Variants in VIRMA observed in about 807,000 individuals in gnomAD.
VIRMA encodes the protein protein virilizer homolog.
Under a neutral mutation model 182.4 loss-of-function variants are expected in VIRMA, and 65 were observed. That is an observed-to-expected ratio of 0.36 (90% CI 0.29 to 0.44). The LOEUF (loss-of-function observed/expected upper bound fraction) is 0.44. Ranked by LOEUF, VIRMA falls within the 20% of genes least tolerant of loss-of-function variation. The pLI is 1.00. For synonymous variants in VIRMA, 709 were observed against 743.1 expected (o/e 0.95, Z 0.75); for missense variants, 1,752 against 2,158.1 (o/e 0.81, Z 3.73).
At chr8:94,529,478 CTG>C in intron 6 of VIRMA, 136 bp from the exon 7 acceptor site, 1 of 608,626 alleles carries the variant, frequency 1.6e-6, no homozygotes, top group South Asian at 2.0e-5. Flanking sequence ...GAATTACTCA[CTG>C]TTTAAAAAAT....
At chr8:94,524,262 G>A (rs1440144767) in intron 8 of VIRMA, among the ~76,000 whole-genome samples, 1 of 151,798 alleles carries the variant, frequency 6.6e-6, no homozygotes, top group African/African-American at 2.4e-5. Context: ...GCGTCCCAAA[G>A]TGCTGGGATT....
chr8:94,541,551 CTTTTTTTT>C (rs1176594244), intron 2 of VIRMA, among the ~76,000 whole-genome samples: 2 of 151,666 alleles, frequency 1.3e-5, no homozygotes, highest in Non-Finnish European at 2.9e-5. Flanking sequence ...GCTCTTTTTT[CTTTTTTTT>C]AAGATGGAGT....
intron 4 of VIRMA, among the ~76,000 whole-genome samples, chr8:94,535,479 T>C (rs1425762780): frequency 6.6e-6 from 1 of 152,118 alleles, no homozygotes; most frequent in Non-Finnish European, 1.5e-5. Context: ...GTACCCACAT[T>C]GTACATTAAA....
chr8:94,500,879 C>A (rs1813951927), intron 16 of VIRMA, among the ~76,000 whole-genome samples: 1 of 152,066 alleles, frequency 6.6e-6, no homozygotes, highest in Non-Finnish European at 1.5e-5. Context: ...AACTACATGA[C>A]TCTAAGCATC....
At chr8:94,534,403 T>A in intron 5 of VIRMA, 1 of 170,878 alleles carries the variant, frequency 5.9e-6, no homozygotes, top group South Asian at 1.6e-4. Context: ...GTTTTAAAAG[T>A]TCTCTAGGAA....
At chr8:94,532,570 A>G (rs530017404) in intron 5 of VIRMA, among the ~76,000 whole-genome samples, 2 of 152,352 alleles carry the variant, frequency 1.3e-5, no homozygotes, top group South Asian at 2.1e-4. Context: ...ATATTGTACT[A>G]TATTTATAAA....
chr8:94,492,458 T>A (rs138812620), intron 21 of VIRMA, among the ~76,000 whole-genome samples, 194 bp downstream of exon 21: 6,107 of 149,524 alleles, frequency 0.041, 134 homozygotes, highest in Middle Eastern at 0.054. Context: ...TAATTTTTTT[T>A]TTTTTATTTT....
At chr8:94,520,823 T>G (rs1017070471) in intron 8 of VIRMA, among the ~76,000 whole-genome samples, 4 of 152,298 alleles carry the variant, frequency 2.6e-5, no homozygotes, top group African/African-American at 9.6e-5. Flanking sequence ...TTTACTACAG[T>G]AGACTGAATT....
chr8:94,543,034 G>A (rs1346939846), intron 2 of VIRMA, among the ~76,000 whole-genome samples: 6 of 151,812 alleles, frequency 4.0e-5, no homozygotes, highest in African/African-American at 9.7e-5. Flanking sequence ...TCAGCCTCCC[G>A]AGTAGCTGGG....
Position 94,491,821 on chromosome 8 carries a change from T to C in VIRMA, c.4897A>G (p.Ile1633Val). ...TGACGAAAAATATCATGAGGTCGTA[T>C]ACCCTGTCCAAATCCTCCCCTGCCC... ...GRGRGGFGQG[I>V]RPHDIFRQRK... The change falls in exon 22 of 24, where the codon ATA becomes GTA. Residue 1633 changes from isoleucine to valine, a missense_variant. Transcript: ENST00000297591. 6.2e-7 allele frequency: 1 copy of C among 1,613,974 alleles called. No individual in the cohort carries two copies.
intron 16 of VIRMA, among the ~76,000 whole-genome samples, chr8:94,503,960 G>C (rs1039514604): frequency 1.1e-4 from 17 of 151,974 alleles, no homozygotes; most frequent in African/African-American, 3.4e-4. Flanking sequence ...ATCACCTGAG[G>C]TCAGGAGTTC....
chr8:94,496,498 A>T lies in VIRMA; in HGVS notation c.4231-18T>A. 3 of 1,595,332 alleles carry T rather than the reference A, an allele frequency of 1.9e-6. No homozygotes were observed. On this transcript the variant is annotated intron_variant, in intron 17 of 23. Transcript: ENST00000297591. Reference sequence around the variant, plus strand: ...CAGCATCCCTGTAAATGTCACACATAAGTTAAATTTGAGAACAGAGAAATT... The same window carrying T: ...CAGCATCCCTGTAAATGTCACACATTAGTTAAATTTGAGAACAGAGAAATT...
At chr8:94,510,237 A>C (rs1231673279) in intron 14 of VIRMA, among the ~76,000 whole-genome samples, 180 bp downstream of exon 14, 1 of 152,198 alleles carries the variant, frequency 6.6e-6, no homozygotes, top group Non-Finnish European at 1.5e-5. Context: ...AAAGCTTTCT[A>C]ATTTTAAAAG....
intron 16 of VIRMA, among the ~76,000 whole-genome samples, chr8:94,504,783 C>T (rs1814099774): frequency 1.3e-5 from 2 of 151,940 alleles, no homozygotes; most frequent in Admixed American, 6.6e-5. Context: ...TAATGAGATG[C>T]CATTAGATAG....
At chr8:94,540,450 TTTC>T (rs201700301) in intron 2 of VIRMA, among the ~76,000 whole-genome samples, 16,392 of 147,788 alleles carry the variant, frequency 0.11, 1,181 homozygotes, top group African/African-American at 0.22. Context: ...TTCTTTACTT[TTTC>T]TTCTTTTCTT....
rs1699285703 is a variant in VIRMA, at chr8:94,553,402, T to G, written c.46A>C (p.Lys16Gln). Residue 16 changes from lysine to glutamine, a missense_variant, in exon 1 of 24, where the codon AAA (lysine) becomes CAA (glutamine). By Grantham distance (53) the Lys-to-Gln change is moderately conservative. Coordinates refer to ENST00000297591, the MANE Select transcript of VIRMA (RefSeq NM_015496.5). ...AMELLFLDTFKHPSAEQSSHI... is the reference protein window; with the variant it reads ...AMELLFLDTFQHPSAEQSSHI... ...AGCCTTACCTCAGCGCTCGGGTGTT[T>G]AAAAGTATCTAAAAATAACAGCTCC... is the stretch of plus-strand genomic sequence containing the variant. 6.2e-7 allele frequency: 1 copy of G among 1,613,964 alleles called. No individual in the cohort carries two copies. The highest frequency in any genetic ancestry group is 8.5e-7 in the Non-Finnish European group (1 of 1,179,992).
intron 13 of VIRMA, 46 bp downstream of exon 13, chr8:94,511,139 T>C (rs771725346): frequency 6.3e-7 from 1 of 1,582,908 alleles, no homozygotes; most frequent in Non-Finnish European, 8.5e-7. Flanking sequence ...TTTTAAAAAG[T>C]GTTACTGCAG....
At chr8:94,524,300 GTGTT>G (rs113388664) in intron 8 of VIRMA, among the ~76,000 whole-genome samples, 22,421 of 144,322 alleles carry the variant, frequency 0.16, 2,045 homozygotes, top group South Asian at 0.31. Flanking sequence ...TGCCTGGCCG[GTGTT>G]TGTTTGTTTG....
chr8:94,502,888 A>G (rs1814042041), intron 16 of VIRMA, among the ~76,000 whole-genome samples: 1 of 152,196 alleles, frequency 6.6e-6, no homozygotes, highest in Non-Finnish European at 1.5e-5. Flanking sequence ...AGCATATGAA[A>G]AGGGCACAGA....
Sources: allele counts gnomAD v4.1 joint callset (sites outside exome capture counted in the v4.1 genomes callset), GRCh38; gene constraint gnomAD v4.1.1; transcripts MANE v1.5; gene names NCBI Gene and HGNC (gene_info 2026-07-23, HGNC 2026-07-21).